The following EYS variants were observed in gnomAD, a reference collection of about 807,000 sequenced individuals.
The protein encoded by EYS is protein eyes shut homolog.
Under a neutral mutation model 282.1 loss-of-function variants are expected in EYS, and 250 were observed. The observed-to-expected ratio is 0.89, with a 90% CI of 0.80 to 0.98. The LOEUF (loss-of-function observed/expected upper bound fraction) is 0.98. EYS is among the 50% of genes least tolerant of loss of function. EYS has a pLI of 0.00. For synonymous variants in EYS, 1,355 were observed against 1,282.9 expected (o/e 1.06, Z -1.20); for missense variants, 4,016 against 3,709.0 (o/e 1.08, Z -2.15).
intron 19 of EYS, among the ~76,000 whole-genome samples, chr6:64,862,143 A>T (rs7755684): frequency 0.06 from 9,185 of 152,170 alleles, 301 homozygotes; most frequent in East Asian, 0.17. Context: ...TACTTCTCTG[A>T]TTTCGCATGT....
chr6:64,120,308 A>G (rs967323801), intron 31 of EYS, among the ~76,000 whole-genome samples: 2 of 144,960 alleles, frequency 1.4e-5, no homozygotes, highest in African/African-American at 5.1e-5. Context: ...GTGAGAGGAG[A>G]TCGCACCACT....
At position 65,360,581 on chromosome 6, in the gene EYS, C is replaced by A. The variant is rs567505712; in HGVS notation, c.1300-6964G>T. Among the ~76,000 whole-genome samples the A allele has an allele frequency of 5.3e-5, 8 of 152,216 alleles. 1 individual carries two copies. In the South Asian group the frequency reaches 1.2e-3, roughly 24 times the overall value. On this transcript the variant is annotated intron_variant, in intron 8 of 42. Transcript: ENST00000503581. ...ATCATTTTCTGGTCTCCTATTATTA[C>A]TTTAACATTTTTCCATAAATCACAG... is the stretch of plus-strand genomic sequence containing the variant.
intron 31 of EYS, among the ~76,000 whole-genome samples, chr6:64,116,432 C>G (rs1003723003): frequency 1.3e-5 from 2 of 152,038 alleles, no homozygotes; most frequent in Non-Finnish European, 2.9e-5. Context: ...AGAAAAGAAT[C>G]ATAGCATAAT....
chr6:65,030,460 A>G (rs1342640364), intron 13 of EYS, among the ~76,000 whole-genome samples: 1 of 151,932 alleles, frequency 6.6e-6, no homozygotes, highest in African/African-American at 2.4e-5. Context: ...ACCCCCACTG[A>G]TTTGCTGGCA....
intron 2 of EYS, among the ~76,000 whole-genome samples, chr6:65,621,038 A>T (rs373742792): frequency 3.0e-4 from 46 of 152,186 alleles, no homozygotes; most frequent in African/African-American, 1.0e-3. Context: ...TGTTGATTTG[A>T]GGTGGAGAGT....
At chr6:64,826,241 A>G (rs770931705) in intron 19 of EYS, among the ~76,000 whole-genome samples, 1 of 151,918 alleles carries the variant, frequency 6.6e-6, no homozygotes, top group African/African-American at 2.4e-5. Context: ...TAATGATTTC[A>G]TTATGGACTT....
chr6:63,765,004 C>T (rs549702277), intron 40 of EYS, among the ~76,000 whole-genome samples: 43 of 151,974 alleles, frequency 2.8e-4, no homozygotes, highest in African/African-American at 1.0e-3. Context: ...GATGTTAATT[C>T]ATTAATATTT....
rs183421995 is a variant in EYS, at chr6:65,111,345, C to A, written c.2024-53618G>T. On this transcript the variant is annotated intron_variant, in intron 12 of 42. Coordinates refer to ENST00000503581, the MANE Select transcript of EYS (RefSeq NM_001142800.2). ...CTTAATTCTTTAAGTGTTTCTTAAC[C>A]CCTGTTTGTTTTGGTTTGTTCCAAC... Among the ~76,000 whole-genome samples, 561 of 152,034 alleles carry A rather than the reference C, an allele frequency of 3.7e-3. 9 individuals carry two copies. The highest frequency in any genetic ancestry group is 4.3e-3 in the Non-Finnish European group (291 of 67,994).
At chr6:65,615,902 C>G (rs998523206) in intron 2 of EYS, among the ~76,000 whole-genome samples, 2 of 151,218 alleles carry the variant, frequency 1.3e-5, no homozygotes, top group African/African-American at 2.4e-5. Context: ...CCACTGCACT[C>G]CAGCCTGGGC....
In EYS at chr6:64,230,825, C is replaced by T; in HGVS notation, c.6192-1G>A. On this transcript the variant is annotated splice_acceptor_variant, in intron 30 of 42. Coordinates refer to ENST00000503581, the MANE Select transcript of EYS (RefSeq NM_001142800.2). LOFTEE classifies it high-confidence loss of function. ...TGGAGACAGCATAAATCCCTGGGAT[C>T]TGTGATTTATAAACAGACAAGAAAA... 2.0e-6 allele frequency: 3 copies of T among 1,525,808 alleles called. No homozygotes were observed. Among genetic ancestry groups the T allele is most frequent in the South Asian group, 2.4e-5 (2 of 82,294 alleles). The allele number at this position is 1,525,808 out of a possible 1,614,324, so 94.5% of individuals were successfully genotyped here.
At chr6:64,034,098 C>A (rs1044051633) in intron 33 of EYS, among the ~76,000 whole-genome samples, 2 of 152,098 alleles carry the variant, frequency 1.3e-5, no homozygotes, top group Non-Finnish European at 2.9e-5. Context: ...TAATGGTCTG[C>A]AATAGCAGGG....
chr6:64,670,262 T>C (rs908722229), intron 22 of EYS, among the ~76,000 whole-genome samples: 2 of 152,032 alleles, frequency 1.3e-5, no homozygotes, highest in South Asian at 2.1e-4. Context: ...TTTTAAAAGA[T>C]CGTCCACGCT....
chr6:65,635,140 G>GA (rs1767042094), intron 2 of EYS, among the ~76,000 whole-genome samples: 1 of 152,076 alleles, frequency 6.6e-6, no homozygotes, highest in African/African-American at 2.4e-5. Flanking sequence ...CACTAACTGG[G>GA]AACCCCATGA....
intron 28 of EYS, among the ~76,000 whole-genome samples, chr6:64,434,525 T>C (rs1191081643): frequency 6.6e-6 from 1 of 152,084 alleles, no homozygotes; most frequent in Non-Finnish European, 1.5e-5. Context: ...CTTTACCTGA[T>C]CTTGAACATA....
At chr6:65,039,509 A>T (rs932707104) in intron 13 of EYS, among the ~76,000 whole-genome samples, 2 of 151,520 alleles carry the variant, frequency 1.3e-5, no homozygotes, top group Non-Finnish European at 3.0e-5. Context: ...TCAATTTTTA[A>T]AAAAAACTAC....
intron 1 of EYS, among the ~76,000 whole-genome samples, chr6:65,691,661 C>T (rs1769248597): frequency 6.7e-6 from 1 of 150,266 alleles, no homozygotes; most frequent in Non-Finnish European, 1.5e-5. Context: ...TTTGCCCATG[C>T]CTATGTCCTG....
chr6:64,793,379 G>C (rs1174768950), intron 22 of EYS, among the ~76,000 whole-genome samples: 1 of 152,062 alleles, frequency 6.6e-6, no homozygotes, highest in East Asian at 1.9e-4. Context: ...AGTATGACCT[G>C]GGAGGAAGAA....
At chr6:65,455,441 A>C (rs1285511929) in intron 5 of EYS, among the ~76,000 whole-genome samples, 1 of 152,140 alleles carries the variant, frequency 6.6e-6, no homozygotes, top group Non-Finnish European at 1.5e-5. Context: ...GATAGAAACT[A>C]AAAACAATTT....
chr6:64,260,205 T>C (rs1481715671), intron 30 of EYS, among the ~76,000 whole-genome samples: 2 of 152,080 alleles, frequency 1.3e-5, no homozygotes, highest in African/African-American at 2.4e-5. Context: ...TTGCTGGAGT[T>C]TCGCTATCTT....
Sources: allele counts gnomAD v4.1 joint callset (sites outside exome capture counted in the v4.1 genomes callset), GRCh38; gene constraint gnomAD v4.1.1; transcripts MANE v1.5; gene names NCBI Gene and HGNC (gene_info 2026-07-23, HGNC 2026-07-21).